GPHN: variants seen among roughly 807,000 people sequenced by gnomAD.
GPHN encodes gephyrin.
In GPHN, 17 loss-of-function variants were observed where a neutral mutation model predicts 95.5. That is an observed-to-expected ratio of 0.18 (90% CI 0.12 to 0.27). The LOEUF is 0.27. Among genes scored for constraint, GPHN ranks in the 10% least tolerant of loss-of-function variants. GPHN has a pLI of 1.00. For synonymous variants in GPHN, 320 were observed against 322.5 expected (o/e 0.99, Z 0.08); for missense variants, 660 against 978.1 (o/e 0.67, Z 4.34).
the GPHN span, among the ~76,000 whole-genome samples, chr14:67,634,332 C>T: frequency 2.0e-5 from 3 of 151,832 alleles, no homozygotes; most frequent in Non-Finnish European, 4.4e-5. Flanking sequence ...ATGGCTCACA[C>T]CTGTAACCCC....
At chr14:66,625,533 G>T (rs1272907778) in intron 1 of GPHN, among the ~76,000 whole-genome samples, 1 of 151,170 alleles carries the variant, frequency 6.6e-6, no homozygotes, top group African/African-American at 2.4e-5. Flanking sequence ...TCTGCCTTTT[G>T]TCCTACTTCT....
At chr14:67,411,483 G>C in the GPHN span, among the ~76,000 whole-genome samples, 4 of 152,142 alleles carry the variant, frequency 2.6e-5, no homozygotes, top group African/African-American at 9.6e-5. Flanking sequence ...GTCTGATCCC[G>C]ATCCTGGCTC....
At chr14:66,778,726 C>CT (rs759940498) in intron 3 of GPHN, among the ~76,000 whole-genome samples, 2,700 of 59,372 alleles carry the variant, frequency 0.045, 773 homozygotes, top group African/African-American at 0.061. Context: ...ACTCAAGGGG[C>CT]TTTTTTTTTT....
the GPHN span, among the ~76,000 whole-genome samples, chr14:67,550,158 T>TAAAATA: frequency 6.9e-6 from 1 of 145,206 alleles, no homozygotes; most frequent in Non-Finnish European, 1.5e-5. Flanking sequence ...GATCTGTTGC[T>TAAAATA]AAAAAAAAAA....
At chr14:66,738,734 C>A (rs2072516935) in intron 2 of GPHN, among the ~76,000 whole-genome samples, 1 of 151,918 alleles carries the variant, frequency 6.6e-6, no homozygotes, top group Non-Finnish European at 1.5e-5. Context: ...TGTATTTATT[C>A]CCATAATAAA....
At chr14:67,217,229 G>T in the GPHN span, among the ~76,000 whole-genome samples, 2 of 151,076 alleles carry the variant, frequency 1.3e-5, no homozygotes, top group Non-Finnish European at 2.9e-5. Flanking sequence ...GGCTACTCTT[G>T]CTTGACTTTG....
the GPHN span, chr14:67,323,817 A>C: frequency 2.1e-6 from 3 of 1,433,314 alleles, no homozygotes; most frequent in African/African-American, 4.3e-5. Context: ...CCAAAGGTAA[A>C]GTTTTCACAC....
the GPHN span, among the ~76,000 whole-genome samples, chr14:67,618,864 C>T: frequency 6.6e-6 from 1 of 152,152 alleles, no homozygotes; most frequent in African/African-American, 2.4e-5. Flanking sequence ...ACTAAAACTC[C>T]TTTGGAGTTA....
chr14:67,719,657 T>C, the GPHN span, among the ~76,000 whole-genome samples: 1 of 151,962 alleles, frequency 6.6e-6, no homozygotes, highest in Non-Finnish European at 1.5e-5. Flanking sequence ...GTTTTCCTTT[T>C]TGTAGAGACG....
At chr14:67,057,393 A>T (rs1313810640) in intron 10 of GPHN, among the ~76,000 whole-genome samples, 1 of 142,026 alleles carries the variant, frequency 7.0e-6, no homozygotes, top group Non-Finnish European at 1.5e-5. Flanking sequence ...GAACAACAAG[A>T]ACACATGGGC....
the GPHN span, chr14:67,312,492 C>A: frequency 1.4e-6 from 2 of 1,423,254 alleles, no homozygotes; most frequent in South Asian, 1.6e-5. Context: ...TTTATATTGC[C>A]ATTTATTGTT....
Position 66,748,511 on chromosome 14 carries a change from CT to C in GPHN, c.144-27952del, listed in dbSNP as rs541632939. 3.5e-3 allele frequency among the ~76,000 whole-genome samples: 539 copies of C among 151,998 alleles called. 8 individuals carry two copies. Among genetic ancestry groups the C allele is most frequent in the African/African-American group, 0.012 (513 of 41,492 alleles). The stretch of plus-strand genomic sequence containing the variant: ...AGTGGTATATTTGTTGCCATTGAAG[CT>C]ACATTGACGTATCATTATTACCCGA... On this transcript the variant is annotated intron_variant, in intron 2 of 22. Coordinates refer to ENST00000478722, the MANE Select transcript of GPHN (RefSeq NM_020806.5).
the GPHN span, among the ~76,000 whole-genome samples, chr14:67,194,438 CGT>C: frequency 1.3e-5 from 2 of 150,788 alleles, no homozygotes; most frequent in African/African-American, 2.4e-5. Context: ...ATGAGGGGGG[CGT>C]GTGTGTGTGT....
the GPHN span, among the ~76,000 whole-genome samples, chr14:67,438,983 G>A: frequency 6.6e-6 from 1 of 152,116 alleles, no homozygotes; most frequent in African/African-American, 2.4e-5. Context: ...CCATCCATGA[G>A]GGCACAGGCA....
the GPHN span, among the ~76,000 whole-genome samples, chr14:67,411,136 CAAAAAAAAAAAAA>C: frequency 1.9e-5 from 1 of 52,072 alleles, no homozygotes. Flanking sequence ...GACCCTGTCT[CAAAAAAAAAAAAA>C]AAAAAAAAAG....
At chr14:66,646,968 C>T (rs1457915832) in intron 1 of GPHN, among the ~76,000 whole-genome samples, 1 of 152,020 alleles carries the variant, frequency 6.6e-6, no homozygotes, top group Non-Finnish European at 1.5e-5. Flanking sequence ...TCTATCATGG[C>T]TCACTGTAGC....
intron 12 of GPHN, 76 bp downstream of exon 12, chr14:67,089,151 T>TTTTTTTTTTTTTTTTTTTTTG: frequency 1.9e-6 from 1 of 521,022 alleles, no homozygotes. Context: ...TTTTTTTTTT[T>TTTTTTTTTTTTTTTTTTTTTG]TTTTTTTCAA....
chr14:66,739,817 G>T (rs1234453236), intron 2 of GPHN, among the ~76,000 whole-genome samples: 1 of 151,844 alleles, frequency 6.6e-6, no homozygotes, highest in African/African-American at 2.4e-5. Context: ...TGGATATAGA[G>T]TAAAAAACAA....
chr14:66,586,828 G>A (rs1207992156), intron 1 of GPHN, among the ~76,000 whole-genome samples: 1 of 152,056 alleles, frequency 6.6e-6, no homozygotes, highest in Admixed American at 6.6e-5. Context: ...ACAGTCTAAT[G>A]CTGAACCTCA....
Sources: allele counts gnomAD v4.1 joint callset (sites outside exome capture counted in the v4.1 genomes callset), GRCh38; gene constraint gnomAD v4.1.1; transcripts MANE v1.5; gene names NCBI Gene and HGNC (gene_info 2026-07-23, HGNC 2026-07-21).